The following SI variants were observed in gnomAD, a reference collection of about 807,000 sequenced individuals.
SI encodes sucrase-isomaltase, intestinal.
Under a neutral mutation model 253.3 loss-of-function variants are expected in SI, and 235 were observed. That is an observed-to-expected ratio of 0.93 (90% CI 0.83 to 1.03). The LOEUF is 1.03. Ranked by LOEUF, SI falls within the 50% of genes least tolerant of loss-of-function variation. SI has a pLI of 0.00. For synonymous variants in SI, 819 were observed against 712.0 expected, an observed-to-expected ratio of 1.15 and a Z score of -2.39; for missense variants, 2,442 against 2,211.1, an observed-to-expected ratio of 1.10 and a Z score of -2.09.
At chr3:164,985,768 C>T (rs1199685221) in intron 45 of SI, among the ~76,000 whole-genome samples, 1 of 151,986 alleles carries the variant, frequency 6.6e-6, no homozygotes, top group Non-Finnish European at 1.5e-5. Context: ...AGTCAGTAAA[C>T]CTATCCTCTA....
chr3:165,026,211 G>A (rs1711911266), intron 25 of SI, among the ~76,000 whole-genome samples: 1 of 151,184 alleles, frequency 6.6e-6, no homozygotes, highest in African/African-American at 2.4e-5. Context: ...AAACTTTAAA[G>A]CAACAGCAGT....
chr3:165,070,734 G>A (rs1657313276), intron 3 of SI, among the ~76,000 whole-genome samples: 1 of 151,910 alleles, frequency 6.6e-6, no homozygotes, highest in African/African-American at 2.4e-5. Flanking sequence ...TAGTAAAATA[G>A]GCTTACGTTA....
intron 15 of SI, among the ~76,000 whole-genome samples, chr3:165,047,757 A>G (rs1713198551): frequency 6.6e-6 from 1 of 151,994 alleles, no homozygotes; most frequent in Non-Finnish European, 1.5e-5. Context: ...CATTTTTTGT[A>G]GTGTGATGAC....
intron 45 of SI, among the ~76,000 whole-genome samples, chr3:164,983,498 A>G (rs565238863): frequency 6.6e-6 from 1 of 152,330 alleles, no homozygotes; most frequent in East Asian, 1.9e-4. Context: ...TGAAAAAACA[A>G]ATTCAGTAGT....
At chr3:165,058,845 C>T (rs1713830506) in intron 12 of SI, 118 bp downstream of exon 12, 1 of 635,130 alleles carries the variant, frequency 1.6e-6, no homozygotes, top group Admixed American at 2.9e-5. Flanking sequence ...AAAATTCAGA[C>T]TTGAAAGCAG....
At chr3:165,076,075 A>G in intron 1 of SI, 63 bp from the exon 2 acceptor site, 1 of 1,153,158 alleles carries the variant, frequency 8.7e-7, no homozygotes, top group South Asian at 1.7e-5. Flanking sequence ...AACCACCAAC[A>G]ATTCTCATGA....
chr3:165,070,243 G>C, intron 3 of SI, among the ~76,000 whole-genome samples: 1 of 140,910 alleles, frequency 7.1e-6, no homozygotes, highest in East Asian at 2.0e-4. Flanking sequence ...AATACACATA[G>C]TTTTATTTTT....
the SI span, among the ~76,000 whole-genome samples, chr3:165,087,673 G>A: frequency 1.8e-4 from 28 of 152,210 alleles, no homozygotes; most frequent in Non-Finnish European, 4.0e-4. Context: ...CCAGGCATAA[G>A]TTTTATACTT....
chr3:164,993,989 A>AACAATACCTTGTAT (rs1453068802), intron 41 of SI, among the ~76,000 whole-genome samples: 2 of 151,776 alleles, frequency 1.3e-5, no homozygotes. Flanking sequence ...AAGCATGTAG[A>AACAATACCTTGTAT]ACAATACCTT....
At chr3:165,053,338 A>G (rs914000937) in intron 13 of SI, among the ~76,000 whole-genome samples, 2 of 152,138 alleles carry the variant, frequency 1.3e-5, no homozygotes, top group African/African-American at 4.8e-5. Context: ...TTATAAAACT[A>G]TTTTTATACT....
intron 2 of SI, among the ~76,000 whole-genome samples, chr3:165,075,010 C>T (rs1229562698): frequency 6.6e-6 from 1 of 151,580 alleles, no homozygotes; most frequent in African/African-American, 2.4e-5. Flanking sequence ...AAAGATGGAG[C>T]AATATGAGTT....
At chr3:165,067,296 T>G in intron 6 of SI, 44 bp downstream of exon 6, 1 of 1,366,472 alleles carries the variant, frequency 7.3e-7, no homozygotes, top group Non-Finnish European at 1.0e-6. Flanking sequence ...TCCAATTCTA[T>G]AATAATAGAA....
chr3:165,072,863 A>T (rs1476367347), intron 3 of SI, among the ~76,000 whole-genome samples: 3 of 152,120 alleles, frequency 2.0e-5, no homozygotes, highest in Non-Finnish European at 4.4e-5. Context: ...CACTTTTCCT[A>T]GTTAAAAATG....
Position 164,991,450 on chromosome 3 carries a change from A to G in SI, c.5011T>C (p.Phe1671Leu). Residue 1671 changes from phenylalanine (F) to leucine (L), a missense_variant, in exon 44 of 48, where the codon TTT becomes CTT. Phe to Leu is a conservative substitution (Grantham distance 22). Coordinates refer to ENST00000264382, the MANE Select transcript of SI (RefSeq NM_001041.4). ...TCATAAGAAGCATTAAATGTTTGAA[A>G]TTGTCCTCTGACGCCAATATCTTTG... ...TGKDIGVRGQFQTFNASYDTI... is the reference protein window; with the variant it reads ...TGKDIGVRGQLQTFNASYDTI... 1 of 1,613,694 alleles carries G rather than the reference A, an allele frequency of 6.2e-7. No homozygotes were observed. The highest frequency in any genetic ancestry group is 8.5e-7 in the Non-Finnish European group (1 of 1,179,746).
intron 28 of SI, among the ~76,000 whole-genome samples, chr3:165,018,523 CTTG>C (rs1559991695): frequency 6.7e-6 from 1 of 149,970 alleles, no homozygotes; most frequent in African/African-American, 2.4e-5. Flanking sequence ...CAGAAAATAT[CTTG>C]TTTATATATT....
At chr3:165,027,780 G>A (rs1712006697) in intron 25 of SI, among the ~76,000 whole-genome samples, 1 of 150,672 alleles carries the variant, frequency 6.6e-6, no homozygotes, top group Non-Finnish European at 1.5e-5. Context: ...GGCAAACAAG[G>A]GACATACTTC....
In SI at chr3:164,979,418, C is replaced by A; in HGVS notation, c.5428G>T (p.Asp1810Tyr). 1 of 1,544,704 alleles carries A rather than the reference C, an allele frequency of 6.5e-7. No individual in the cohort carries two copies. The highest frequency in any genetic ancestry group is 2.3e-5 in the East Asian group (1 of 44,382). The change falls in exon 48 of 48, where the codon GAT (aspartate) becomes TAT (tyrosine). Residue 1810 changes from aspartate (D) to tyrosine (Y), a missense_variant. Transcript: ENST00000264382. ...AGAGTAACATTGTGTGTGGTCAGAT[C>A]AATACGTAATATCTAAAAAAGTAAA... is the stretch of plus-strand genomic sequence containing the variant. ...EDTTNMILRI[D>Y]LTTHNVTLEE... is the part of the protein sequence containing the mutation.
the SI span, among the ~76,000 whole-genome samples, chr3:165,087,794 T>C: frequency 5.3e-5 from 8 of 152,196 alleles, no homozygotes; most frequent in African/African-American, 1.9e-4. Context: ...AAAACGTGGA[T>C]GGTATAGTAT....
chr3:165,037,285 C>T (rs560105264), intron 21 of SI, among the ~76,000 whole-genome samples: 9 of 151,882 alleles, frequency 5.9e-5, no homozygotes, highest in African/African-American at 2.2e-4. Flanking sequence ...GAGTAACTTC[C>T]TGTTGGGTTG....
Sources: allele counts gnomAD v4.1 joint callset (sites outside exome capture counted in the v4.1 genomes callset), GRCh38; gene constraint gnomAD v4.1.1; transcripts MANE v1.5; gene names NCBI Gene and HGNC (gene_info 2026-07-23, HGNC 2026-07-21).